TANGO6: variants seen among roughly 807,000 people sequenced by gnomAD.
TANGO6 encodes transport and golgi organization 6 homolog.
Under a neutral mutation model 114.2 loss-of-function variants are expected in TANGO6, and 90 were observed. That is an observed-to-expected ratio of 0.79 (90% CI 0.66 to 0.94). The LOEUF is 0.94. Among genes scored for constraint, TANGO6 ranks in the 40% least tolerant of loss-of-function variants. The pLI is 0.00. For synonymous variants in TANGO6, 477 were observed against 509.8 expected (o/e 0.94, Z 0.87); for missense variants, 1,274 against 1,315.3 (o/e 0.97, Z 0.49).
chr16:68,941,994 T>C (rs546824309), intron 14 of TANGO6, among the ~76,000 whole-genome samples: 1 of 152,136 alleles, frequency 6.6e-6, no homozygotes, highest in African/African-American at 2.4e-5. Flanking sequence ...ACTGTAAAAT[T>C]ATAGCCATTT....
At chr16:69,022,796 A>G in intron 15 of TANGO6, 32 bp from the exon 16 acceptor site, 1 of 1,549,926 alleles carries the variant, frequency 6.5e-7, no homozygotes, top group South Asian at 1.2e-5. Context: ...ATTTTGTTTT[A>G]AGGGGTTTTG....
At chr16:69,008,642 G>GTT (rs920983562) in intron 15 of TANGO6, among the ~76,000 whole-genome samples, 1 of 147,296 alleles carries the variant, frequency 6.8e-6, no homozygotes. Flanking sequence ...TGTTTGTTTG[G>GTT]TTTTTTTTTT....
intron 15 of TANGO6, among the ~76,000 whole-genome samples, chr16:68,996,865 ACT>A (rs1963995618): frequency 6.6e-6 from 1 of 152,126 alleles, no homozygotes; most frequent in African/African-American, 2.4e-5. Context: ...GGATTTAAAC[ACT>A]CTAATTGAGA....
chr16:69,033,871 G>T, intron 16 of TANGO6: 2 of 170,500 alleles, frequency 1.2e-5, no homozygotes, highest in East Asian at 1.3e-4. Context: ...TCAAGGATAT[G>T]AAGATCAAGT....
At chr16:68,930,130 GA>G (rs1963220314) in intron 13 of TANGO6, 107 bp from the exon 14 acceptor site, 1 of 936,204 alleles carries the variant, frequency 1.1e-6, no homozygotes, top group African/African-American at 1.7e-5. Flanking sequence ...TTCTACCCAA[GA>G]AAAACAAGAA....
intron 15 of TANGO6, among the ~76,000 whole-genome samples, chr16:69,004,684 T>C (rs1341648489): frequency 6.6e-6 from 1 of 152,186 alleles, no homozygotes; most frequent in Non-Finnish European, 1.5e-5. Context: ...AATCGGGACT[T>C]GTCCACATGG....
intron 16 of TANGO6, among the ~76,000 whole-genome samples, chr16:69,030,403 G>A (rs1054115877): frequency 6.6e-6 from 1 of 151,978 alleles, no homozygotes; most frequent in African/African-American, 2.4e-5. Context: ...TGAATCCAGA[G>A]AACAAGTAGA....
chr16:68,864,752 G>T (rs897735536), intron 3 of TANGO6, among the ~76,000 whole-genome samples: 2 of 152,064 alleles, frequency 1.3e-5, no homozygotes, highest in Non-Finnish European at 2.9e-5. Flanking sequence ...TTCAACCCCC[G>T]TGTGCAGGTG....
intron 1 of TANGO6, among the ~76,000 whole-genome samples, 186 bp downstream of exon 1, chr16:68,843,897 A>G (rs1303596322): frequency 6.6e-6 from 1 of 152,188 alleles, no homozygotes; most frequent in African/African-American, 2.4e-5. Flanking sequence ...CTGAGGCTCA[A>G]GGAGGGCGCG....
At chr16:68,886,884 T>G (rs112887027) in intron 7 of TANGO6, among the ~76,000 whole-genome samples, 6 of 152,070 alleles carry the variant, frequency 3.9e-5, no homozygotes, top group African/African-American at 1.4e-4. Flanking sequence ...CTCAGCTTAC[T>G]GCAACCTCTG....
At chr16:69,050,864 A>G (rs1215201344) in intron 17 of TANGO6, among the ~76,000 whole-genome samples, 2 of 152,040 alleles carry the variant, frequency 1.3e-5, no homozygotes, top group African/African-American at 4.8e-5. Context: ...GGCTCAAGTA[A>G]TCTTCCTGCC....
At chr16:68,940,711 A>G (rs1426559973) in intron 14 of TANGO6, among the ~76,000 whole-genome samples, 3 of 152,180 alleles carry the variant, frequency 2.0e-5, no homozygotes, top group Non-Finnish European at 4.4e-5. Flanking sequence ...TAATTTTATG[A>G]AAGAAACTTG....
At chr16:68,940,577 T>G (rs985453409) in intron 14 of TANGO6, among the ~76,000 whole-genome samples, 17 of 144,446 alleles carry the variant, frequency 1.2e-4, no homozygotes, top group African/African-American at 5.0e-4. Context: ...GGTTAGGGCA[T>G]TGGACAGTTT....
intron 16 of TANGO6, among the ~76,000 whole-genome samples, chr16:69,038,753 T>C (rs1959729409): frequency 6.6e-6 from 1 of 152,068 alleles, no homozygotes; most frequent in African/African-American, 2.4e-5. Flanking sequence ...TTAAAGTAAT[T>C]GAGCGCTGGC....
chr16:69,037,112 G>A (rs1959700509), intron 16 of TANGO6, among the ~76,000 whole-genome samples: 1 of 149,950 alleles, frequency 6.7e-6, no homozygotes, highest in Admixed American at 6.7e-5. Context: ...CTCCAGCCTG[G>A]GCAACAGAGT....
At chr16:68,911,419 T>C (rs1012413203) in intron 11 of TANGO6, among the ~76,000 whole-genome samples, 4 of 149,824 alleles carry the variant, frequency 2.7e-5, no homozygotes, top group Non-Finnish European at 4.5e-5. Flanking sequence ...TAGTTTCTTT[T>C]TTTTTTTTTT....
At chr16:68,951,553 ACT>A (rs1251943566) in intron 14 of TANGO6, among the ~76,000 whole-genome samples, 1 of 150,278 alleles carries the variant, frequency 6.7e-6, no homozygotes, top group African/African-American at 2.5e-5. Flanking sequence ...ATGCCTCTGT[ACT>A]TCCTTCCTTT....
At chr16:69,075,999 G>A (rs889511082) in intron 17 of TANGO6, among the ~76,000 whole-genome samples, 24 of 147,070 alleles carry the variant, frequency 1.6e-4, no homozygotes, top group Admixed American at 3.4e-4. Context: ...TCCTGACCTC[G>A]TGATCTTCCC....
At chr16:68,958,889 GATCATGCCACTGCACTCC>G (rs1963561758) in intron 14 of TANGO6, among the ~76,000 whole-genome samples, 1 of 152,134 alleles carries the variant, frequency 6.6e-6, no homozygotes, top group African/African-American at 2.4e-5. Flanking sequence ...AGTGAGCCAT[GATCATGCCACTGCACTCC>G]AGTCTGGTTA....
Sources: gnomAD v4.1 joint callset for allele counts (sites outside exome capture counted in the v4.1 genomes callset) on GRCh38, gnomAD v4.1.1 for gene constraint, MANE v1.5 for transcripts, NCBI Gene and HGNC (gene_info 2026-07-23, HGNC 2026-07-21) for gene names.